PILRA: variants seen among roughly 807,000 people sequenced by gnomAD.
PILRA encodes paired immunoglobin like type 2 receptor alpha.
A neutral mutation model predicts 33.1 loss-of-function variants in PILRA; 37 were observed. The ratio of observed to expected loss-of-function variants is 1.12; its 90% CI spans 0.86 to 1.47. The LOEUF is 1.47. Among genes scored for constraint, PILRA ranks in the 40% most tolerant of loss-of-function variants. PILRA has a pLI of 0.00. For synonymous variants in PILRA, 146 were observed against 149.9 expected, an observed-to-expected ratio of 0.97 and a Z score of 0.19; for missense variants, 312 against 376.2, an observed-to-expected ratio of 0.83 and a Z score of 1.41.
At chr7:100,397,846 T>C (rs749097665) in intron 3 of PILRA, 33 bp from the exon 4 acceptor site, 1 of 1,612,044 alleles carries the variant, frequency 6.2e-7, no homozygotes, top group Non-Finnish European at 8.5e-7. Context: ...ATCACCCGGA[T>C]GCCACCCTGA....
intron 2 of PILRA, among the ~76,000 whole-genome samples, chr7:100,377,169 T>C (rs1487479835): frequency 6.6e-6 from 1 of 152,100 alleles, no homozygotes; most frequent in African/African-American, 2.4e-5. Flanking sequence ...ATTAATGTTT[T>C]TTACATAATT....
In PILRA at chr7:100,400,039, G is replaced by A. The variant is rs980456970; in HGVS notation, c.*132G>A. On this transcript the variant is annotated 3_prime_UTR_variant, in exon 7 of 7. Coordinates refer to ENST00000198536, the MANE Select transcript of PILRA (RefSeq NM_013439.3). ...GTTCAGGGCCAGCTTTGATAATGGAGCGAGATGCCATCTCTAGTTAAAAAT... is the reference window on the plus strand; with the variant it reads ...GTTCAGGGCCAGCTTTGATAATGGAACGAGATGCCATCTCTAGTTAAAAAT... 1.3e-6 allele frequency: 1 copy of A among 763,200 alleles called. No individual in the cohort carries two copies. Among genetic ancestry groups the A allele is most frequent in the Non-Finnish European group, 2.0e-6 (1 of 511,236 alleles). The allele number at this position is 763,200 out of a possible 1,614,324, so 47.3% of individuals were successfully genotyped here.
chr7:100,399,380 G>A (rs2130252189), intron 5 of PILRA, 40 bp downstream of exon 5: 1 of 1,556,314 alleles, frequency 6.4e-7, no homozygotes, highest in Admixed American at 1.7e-5. Flanking sequence ...TTCTACCCCT[G>A]GCACTTCCTG....
intron 2 of PILRA, among the ~76,000 whole-genome samples, chr7:100,382,729 T>C (rs1791142451): frequency 6.6e-6 from 1 of 152,220 alleles, no homozygotes; most frequent in South Asian, 2.1e-4. Context: ...CTTTTGCTTT[T>C]TGCACTAAGT....
At chr7:100,385,327 A>G (rs1053013569) in intron 2 of PILRA, among the ~76,000 whole-genome samples, 1 of 152,176 alleles carries the variant, frequency 6.6e-6, no homozygotes, top group Non-Finnish European at 1.5e-5. Context: ...ATGCGATTGT[A>G]TCTTGTACTT....
At position 100,374,147 on chromosome 7, in the gene PILRA, T is replaced by G. The variant is rs201549054; in HGVS notation, c.168T>G (p.Tyr56Ter). Residue 56 changes from tyrosine to a stop codon, truncating the protein, a stop_gained, in exon 2 of 7, where the codon TAT (tyrosine) becomes TAG (stop). Transcript: ENST00000198536. LOFTEE classifies it high-confidence loss of function. Reference sequence around the variant, plus strand: ...CTGTGGAAATCCCCTTCTCCTTCTATTACCCCTGGGAGTTAGCCACAGCTC... The same window carrying G: ...CTGTGGAAATCCCCTTCTCCTTCTAGTACCCCTGGGAGTTAGCCACAGCTC... ...GGSVEIPFSFYYPWELATAPD... is the reference protein window; with the variant it reads ...GGSVEIPFSF The G allele has an allele frequency of 1.2e-6, 2 of 1,614,004 alleles. No homozygotes were observed. The highest frequency in any genetic ancestry group is 1.7e-6 in the Non-Finnish European group (2 of 1,180,032).
chr7:100,399,306 C>T lies in PILRA; in HGVS notation c.723C>T (p.Asn241=). 2 of 1,612,546 alleles carry T rather than the reference C, an allele frequency of 1.2e-6. No individual in the cohort carries two copies. Among genetic ancestry groups the T allele is most frequent in the South Asian group, 2.2e-5 (2 of 90,996 alleles). ...ATTPAREPFQ[N]TEEPYENIRN... is the part of the protein sequence containing the mutation. ...TCCCATACAGGGAACCCTTCCAAAA[C>T]ACAGAGGAGCCATATGAGAATATCA... The change falls in exon 5 of 7, where the codon AAC becomes AAT. Residue 241 remains asparagine (N), a synonymous_variant. Coordinates refer to ENST00000198536, the MANE Select transcript of PILRA (RefSeq NM_013439.3).
chr7:100,387,589 C>A (rs150741701), intron 2 of PILRA, among the ~76,000 whole-genome samples: 2 of 151,996 alleles, frequency 1.3e-5, no homozygotes, highest in Non-Finnish European at 2.9e-5. Flanking sequence ...GCTTGTAGTC[C>A]CAGCTAATCA....
At chr7:100,387,316 T>C (rs1231390269) in intron 2 of PILRA, among the ~76,000 whole-genome samples, 2 of 152,094 alleles carry the variant, frequency 1.3e-5, no homozygotes, top group Non-Finnish European at 2.9e-5. Context: ...CAGGTTCAAG[T>C]GATTATCCTG....
intron 2 of PILRA, among the ~76,000 whole-genome samples, chr7:100,385,251 T>G (rs954685813): frequency 1.3e-5 from 2 of 152,222 alleles, no homozygotes; most frequent in African/African-American, 4.8e-5. Context: ...AGGAGGCTGC[T>G]GTTTTTTTCT....
chr7:100,393,546 T>C (rs1321739422), intron 3 of PILRA, among the ~76,000 whole-genome samples: 1 of 152,210 alleles, frequency 6.6e-6, no homozygotes, highest in Non-Finnish European at 1.5e-5. Context: ...CTTAGTGATT[T>C]GTGTTGGTCA....
At chr7:100,378,111 G>A (rs998397526) in intron 2 of PILRA, among the ~76,000 whole-genome samples, 4 of 152,046 alleles carry the variant, frequency 2.6e-5, no homozygotes, top group Admixed American at 2.6e-4. Context: ...CACTTTGGGA[G>A]GCTGAGGCAC....
chr7:100,372,842 C>T (rs1790851717), upstream of PILRA, among the ~76,000 whole-genome samples: 1 of 151,784 alleles, frequency 6.6e-6, no homozygotes, highest in South Asian at 2.1e-4. Context: ...TGGGGCAGGG[C>T]TTCTCAGAGC....
chr7:100,381,491 A>G (rs1357285826), intron 2 of PILRA, among the ~76,000 whole-genome samples: 5 of 151,938 alleles, frequency 3.3e-5, no homozygotes, highest in Non-Finnish European at 5.9e-5. Context: ...CACCACCACC[A>G]AAACAACCAA....
chr7:100,390,684 T>C (rs1399472894), intron 3 of PILRA, among the ~76,000 whole-genome samples: 8 of 152,068 alleles, frequency 5.3e-5, no homozygotes, highest in Admixed American at 1.3e-4. Flanking sequence ...AGGTGATATA[T>C]GCAAAAGTCT....
chr7:100,399,660 A>G (rs1791609206), intron 6 of PILRA, 48 bp downstream of exon 6: 1 of 1,613,062 alleles, frequency 6.2e-7, no homozygotes, highest in East Asian at 2.2e-5. Context: ...AAGCCTGGAG[A>G]AGGTGGGGTG....
chr7:100,399,884 C>T lies in PILRA; in HGVS notation c.889C>T (p.Leu297=), dbSNP rs766432336. The change falls in exon 7 of 7, where the codon CTG becomes TTG. Residue 297 remains leucine (L), a synonymous_variant. Transcript: ENST00000198536. ...CCTCAAGAGCCCCCAGAACGAGACC[C>T]TGTACTCTGTCTTAAAGGCCTAACC... is the stretch of plus-strand genomic sequence containing the variant. The part of the protein sequence containing the change: ...RPLKSPQNET[L]YSVLKA 2 of 1,612,002 alleles carry T rather than the reference C, an allele frequency of 1.2e-6. No individual in the cohort carries two copies. Among genetic ancestry groups the T allele is most frequent in the Admixed American group, 1.7e-5 (1 of 59,558 alleles).
chr7:100,373,007 C>T (rs971662141), upstream of PILRA, among the ~76,000 whole-genome samples: 1 of 151,684 alleles, frequency 6.6e-6, no homozygotes, highest in Non-Finnish European at 1.5e-5. Flanking sequence ...GTGCCTGCAC[C>T]GAGAGAGGGC....
Position 100,399,797 on chromosome 7 carries a change from G to A in PILRA, c.802G>A (p.Val268Ile), listed in dbSNP as rs201973358. 2.3e-4 allele frequency: 368 copies of A among 1,611,222 alleles called. No individual in the cohort carries two copies. The highest frequency in any genetic ancestry group is 2.9e-4 in the Non-Finnish European group (341 of 1,178,526). Residue 268 changes from valine (V) to isoleucine (I), a missense_variant, in exon 7 of 7, where the codon GTC becomes ATC. By Grantham distance (29) the Val-to-Ile change is conservative. Transcript: ENST00000198536. ...PKLNPKDDGIVYASLALSSST... is the reference protein window; with the variant it reads ...PKLNPKDDGIIYASLALSSST... ...GGTTCTCGCCCAGGATGACGGCATC[G>A]TCTATGCTTCCCTTGCCCTCTCCAG...
Sources: allele counts gnomAD v4.1 joint callset (sites outside exome capture counted in the v4.1 genomes callset), GRCh38; gene constraint gnomAD v4.1.1; transcripts MANE v1.5; gene names NCBI Gene and HGNC (gene_info 2026-07-23, HGNC 2026-07-21).